Variants in PNPLA1 observed in about 807,000 individuals in gnomAD.
PNPLA1 encodes patatin like domain 1, omega-hydroxyceramide transacylase.
PNPLA1 carries 36 observed loss-of-function variants against 51.7 expected under a neutral mutation model. The ratio of observed to expected loss-of-function variants is 0.70; its 90% CI spans 0.53 to 0.92. PNPLA1 has a LOEUF of 0.92. Among genes scored for constraint, PNPLA1 ranks in the 40% least tolerant of loss-of-function variants. PNPLA1 has a pLI of 0.00. For missense variants in PNPLA1, 658 were observed against 682.5 expected (o/e 0.96, Z 0.40); for synonymous variants, 293 against 280.1 (o/e 1.05, Z -0.46).
intron 6 of PNPLA1, among the ~76,000 whole-genome samples, chr6:36,303,366 T>C (rs1405704776): frequency 6.6e-6 from 1 of 152,222 alleles, no homozygotes; most frequent in Non-Finnish European, 1.5e-5. Flanking sequence ...GTGCTGGGAC[T>C]ACAGGCGTGA....
chr6:36,272,896 CAAGT>C (rs1209260096), intron 1 of PNPLA1, among the ~76,000 whole-genome samples: 1 of 152,116 alleles, frequency 6.6e-6, no homozygotes, highest in African/African-American at 2.4e-5. Context: ...TAATGTCTCA[CAAGT>C]AATAAACACA....
chr6:36,258,988 G>T (rs1769589658), intron 1 of PNPLA1, among the ~76,000 whole-genome samples: 1 of 152,202 alleles, frequency 6.6e-6, no homozygotes, highest in Non-Finnish European at 1.5e-5. Context: ...GCCACCCTTT[G>T]GTCACAATGC....
intron 5 of PNPLA1, among the ~76,000 whole-genome samples, chr6:36,300,518 A>C (rs1771009588): frequency 6.6e-6 from 1 of 152,150 alleles, no homozygotes; most frequent in South Asian, 2.1e-4. Context: ...ACTATCGGTC[A>C]GGTATTTTGT....
chr6:36,288,562 C>T (rs990037918), intron 1 of PNPLA1, among the ~76,000 whole-genome samples: 4 of 151,464 alleles, frequency 2.6e-5, no homozygotes, highest in Non-Finnish European at 5.9e-5. Context: ...ACGCCATTCT[C>T]CTGCCTCAGC....
chr6:36,271,920 C>T (rs1241154266), intron 1 of PNPLA1, among the ~76,000 whole-genome samples: 3 of 152,186 alleles, frequency 2.0e-5, no homozygotes, highest in Non-Finnish European at 2.9e-5. Context: ...AGTTATTGAA[C>T]GTTCTGCGCC....
intron 1 of PNPLA1, among the ~76,000 whole-genome samples, chr6:36,263,961 C>G (rs182056073): frequency 1.3e-5 from 2 of 152,202 alleles, no homozygotes; most frequent in African/African-American, 4.8e-5. Flanking sequence ...TAAGCTGCTT[C>G]CCCGCTTCCC....
upstream of PNPLA1, among the ~76,000 whole-genome samples, chr6:36,268,969 A>G (rs1769829728): frequency 6.6e-6 from 1 of 151,114 alleles, no homozygotes; most frequent in African/African-American, 2.4e-5. Context: ...GCACACATGC[A>G]TACACACGCA....
At chr6:36,253,427 A>G (rs1331429711) in intron 1 of PNPLA1, among the ~76,000 whole-genome samples, 1 of 152,208 alleles carries the variant, frequency 6.6e-6, no homozygotes, top group Non-Finnish European at 1.5e-5. Context: ...TGGGTTAACT[A>G]AGTCAAATAT....
intron 5 of PNPLA1, among the ~76,000 whole-genome samples, chr6:36,296,356 G>A (rs1370378729): frequency 1.3e-5 from 2 of 152,016 alleles, no homozygotes; most frequent in Non-Finnish European, 2.9e-5. Context: ...CAGGTCAAAG[G>A]GTTTACCTAA....
intron 1 of PNPLA1, among the ~76,000 whole-genome samples, chr6:36,282,165 AAG>A (rs1370653670): frequency 6.8e-6 from 1 of 146,662 alleles, no homozygotes; most frequent in East Asian, 2.0e-4. Context: ...GAGAGAAAGA[AAG>A]AAAGAGACAG....
In PNPLA1 at chr6:36,300,072, A is replaced by AC. The variant is rs201368792; in HGVS notation, c.776-1783dup. On this transcript the variant is annotated intron_variant, in intron 5 of 8. Transcript: ENST00000636260. ...ACCTAATTTCTTTTTCTGTTCCAGG[A>AC]CCCCCCACCCAGGGATCACATTACA... 6.1e-3 allele frequency among the ~76,000 whole-genome samples: 913 copies of AC among 150,676 alleles called. 8 individuals are homozygous for AC. The highest frequency in any genetic ancestry group is 0.021 in the African/African-American group (852 of 40,964).
At position 36,252,510 on chromosome 6, in the gene PNPLA1, G is replaced by T. The variant is rs1413571800; in HGVS notation, c.-81+9249G>T. On this transcript the variant is annotated intron_variant, in intron 1 of 7. Transcript: ENST00000312917. ...ACTTGGTGAGCGACTGGGTTCAGGG[G>T]TTGGGCTGTGTGTGTACATGGCAAA... is the stretch of plus-strand genomic sequence containing the variant. Among the ~76,000 whole-genome samples, 4 of 148,292 alleles carry T rather than the reference G, an allele frequency of 2.7e-5. No homozygotes were observed. The Admixed American group carries it at 2.7e-4, about 10-fold the overall frequency.
Position 36,312,693 on chromosome 6 carries a change from A to G in PNPLA1, c.*807A>G, listed in dbSNP as rs554112748. Among the ~76,000 whole-genome samples, 1 of 152,268 alleles carries G rather than the reference A, an allele frequency of 6.6e-6. No homozygotes were observed. The highest frequency in any genetic ancestry group is 2.4e-5 in the African/African-American group (1 of 41,544). ...CTTTTGAGGACCAGGGGCAACACCT[A>G]TTCCCAGCCCCGATGGTGCACAAGA... On this transcript the variant is annotated 3_prime_UTR_variant, in exon 9 of 9. Coordinates refer to ENST00000636260, the MANE Select transcript of PNPLA1 (RefSeq NM_001374623.1).
intron 6 of PNPLA1, among the ~76,000 whole-genome samples, chr6:36,303,102 AT>A (rs890338614): frequency 4.5e-4 from 66 of 147,264 alleles, no homozygotes; most frequent in Middle Eastern, 6.9e-3. Context: ...CTACAAAGAA[AT>A]TTTTTTTTTT....
Position 36,288,800 on chromosome 6 carries a change from G to A in PNPLA1, c.206-2520G>A, listed in dbSNP as rs182034691. On this transcript the variant is annotated intron_variant, in intron 1 of 8. Coordinates refer to ENST00000636260, the MANE Select transcript of PNPLA1 (RefSeq NM_001374623.1). ...AAAAATAAAAAAATCAGCTGGGTGCGGTGGCACATGCCTGTAATCCCAGCT... is the reference window on the plus strand; with the variant it reads ...AAAAATAAAAAAATCAGCTGGGTGCAGTGGCACATGCCTGTAATCCCAGCT... Among the ~76,000 whole-genome samples the A allele has an allele frequency of 2.7e-3, 408 of 152,084 alleles. 5 individuals are homozygous for A. The highest frequency in any genetic ancestry group is 9.4e-3 in the African/African-American group (391 of 41,510).
At chr6:36,278,509 C>G (rs992523859) in intron 1 of PNPLA1, among the ~76,000 whole-genome samples, 1 of 152,160 alleles carries the variant, frequency 6.6e-6, no homozygotes, top group Non-Finnish European at 1.5e-5. Flanking sequence ...GGAGGCAGAC[C>G]TCACTTAAGC....
chr6:36,248,433 T>C (rs1301496435), intron 1 of PNPLA1, among the ~76,000 whole-genome samples: 4 of 152,078 alleles, frequency 2.6e-5, no homozygotes, highest in African/African-American at 9.7e-5. Flanking sequence ...TATTAGGAAG[T>C]GACACAGCCT....
intron 1 of PNPLA1, among the ~76,000 whole-genome samples, chr6:36,251,766 C>T (rs1256782567): frequency 6.6e-6 from 1 of 151,950 alleles, no homozygotes. Flanking sequence ...AGTGAGAGAC[C>T]CGTCTCTACA....
chr6:36,273,082 A>C (rs572257681), intron 1 of PNPLA1, among the ~76,000 whole-genome samples: 1 of 151,620 alleles, frequency 6.6e-6, no homozygotes, highest in East Asian at 2.0e-4. Context: ...CTTCTCTACT[A>C]AAAAAATACA....
Sources: allele counts gnomAD v4.1 joint callset (sites outside exome capture counted in the v4.1 genomes callset), GRCh38; gene constraint gnomAD v4.1.1; transcripts MANE v1.5; gene names NCBI Gene and HGNC (gene_info 2026-07-23, HGNC 2026-07-21).